The following ADGRV1 variants were observed in gnomAD, a reference collection of about 807,000 sequenced individuals.
ADGRV1 encodes the protein adhesion G protein-coupled receptor V1.
ADGRV1 carries 359 observed loss-of-function variants against 596.2 expected under a neutral mutation model. The observed-to-expected ratio is 0.60, with a 90% CI of 0.55 to 0.66. ADGRV1 has a LOEUF of 0.66. Ranked by LOEUF, ADGRV1 falls within the 30% of genes least tolerant of loss-of-function variation. ADGRV1 has a pLI of 0.00. For missense variants in ADGRV1, 7,274 were observed against 7,575.6 expected (o/e 0.96, Z 1.48); for synonymous variants, 2,681 against 2,679.2 (o/e 1.00, Z -0.02).
rs746103349 is a variant in ADGRV1, at chr5:90,728,919, A to G, written c.10412A>G (p.Glu3471Gly). ...AATGATATTTACCTAATATTTGCCG[A>G]AAATGTCTTTCTAGGTGAGAAGATA... ...SANDIYLIFA[E>G]NVFLGDQNSI... The change falls in exon 49 of 90, where the codon GAA becomes GGA. Residue 3471 changes from glutamate (E) to glycine (G), a missense_variant. Transcript: ENST00000405460. 19 of 1,608,262 alleles carry G rather than the reference A, an allele frequency of 1.2e-5. No homozygotes were observed. Among genetic ancestry groups the G allele is most frequent in the Middle Eastern group, 2.0e-4 (1 of 4,962 alleles).
intron 85 of ADGRV1, among the ~76,000 whole-genome samples, chr5:91,035,864 T>TAATATATATATATATATAATATATATA (rs1248093197): frequency 1.5e-5 from 1 of 68,236 alleles, no homozygotes; most frequent in East Asian, 3.7e-4. Context: ...ATATATATTA[T>TAATATATATATATATATAATATATATA]ATATATATAT....
intron 77 of ADGRV1, among the ~76,000 whole-genome samples, chr5:90,835,716 A>G (rs1235717230): frequency 1.3e-5 from 2 of 152,214 alleles, no homozygotes; most frequent in African/African-American, 2.4e-5. Flanking sequence ...TTCAAGTGCC[A>G]AAAGAAAAGA....
At chr5:90,932,534 G>A (rs1211906923) in intron 83 of ADGRV1, among the ~76,000 whole-genome samples, 1 of 152,088 alleles carries the variant, frequency 6.6e-6, no homozygotes, top group East Asian at 1.9e-4. Flanking sequence ...GTGGAGAGAT[G>A]CTTAACTTAC....
intron 85 of ADGRV1, among the ~76,000 whole-genome samples, chr5:91,032,019 G>A (rs536057542): frequency 5.3e-5 from 8 of 152,176 alleles, no homozygotes; most frequent in Non-Finnish European, 1.2e-4. Flanking sequence ...CCACATGTTG[G>A]GAGCAGCATG....
chr5:90,749,342 C>T (rs1754993587), intron 52 of ADGRV1, among the ~76,000 whole-genome samples: 1 of 152,040 alleles, frequency 6.6e-6, no homozygotes, highest in African/African-American at 2.4e-5. Context: ...TTTTATTAAC[C>T]CTCATTGATG....
chr5:90,914,958 TG>T (rs547416602), intron 83 of ADGRV1, among the ~76,000 whole-genome samples: 33 of 152,196 alleles, frequency 2.2e-4, no homozygotes, highest in Non-Finnish European at 1.8e-4. Flanking sequence ...CCCTAAAAAC[TG>T]GATGAGTTGT....
chr5:90,811,323 A>G lies in ADGRV1; in HGVS notation c.16063A>G (p.Met5355Val). ...TGATACTGGATTTGCAGCTTTTGCC[A>G]TGGTTATTATTACAGGTATATCTTT... ...KDDTGFAAFA[M>V]VIITGSDLHN... Residue 5355 changes from methionine (M) to valine (V), a missense_variant, in exon 74 of 90, where the codon ATG becomes GTG. Physicochemically the swap from Met to Val is conservative, Grantham distance 21. Around this residue, in one of 5 missense-constraint regions of ADGRV1, gnomAD observed 1,874 missense variants for 1,970.2 expected, o/e 0.95. Transcript: ENST00000405460. 2 of 1,603,766 alleles carry G rather than the reference A, an allele frequency of 1.2e-6. No individual in the cohort carries two copies. Among genetic ancestry groups the G allele is most frequent in the Non-Finnish European group, 1.7e-6 (2 of 1,175,020 alleles).
intron 50 of ADGRV1, among the ~76,000 whole-genome samples, chr5:90,732,751 A>G (rs1480468127): frequency 6.6e-6 from 1 of 152,050 alleles, no homozygotes; most frequent in Admixed American, 6.6e-5. Context: ...AATTCAGTCT[A>G]CTCCAGTATT....
chr5:90,596,769 G>T (rs1340063470), intron 1 of ADGRV1, among the ~76,000 whole-genome samples: 1 of 152,196 alleles, frequency 6.6e-6, no homozygotes, highest in Non-Finnish European at 1.5e-5. Flanking sequence ...CGGCATCAGA[G>T]GGTGACCGTG....
intron 1 of ADGRV1, among the ~76,000 whole-genome samples, chr5:90,593,656 G>A (rs182717533): frequency 1.2e-4 from 18 of 151,966 alleles, no homozygotes; most frequent in South Asian, 2.1e-4. Flanking sequence ...TGGGTGAGGG[G>A]TGTATCAAAA....
intron 83 of ADGRV1, among the ~76,000 whole-genome samples, chr5:90,906,704 G>A (rs973271406): frequency 6.6e-6 from 1 of 151,830 alleles, no homozygotes; most frequent in Non-Finnish European, 1.5e-5. Context: ...CTGATGTTTT[G>A]TATTATTTTC....
At chr5:90,853,234 T>C (rs756761890) in intron 79 of ADGRV1, 50 bp from the exon 80 acceptor site, 4 of 1,528,306 alleles carry the variant, frequency 2.6e-6, no homozygotes, top group African/African-American at 2.8e-5. Flanking sequence ...AGTGGATATA[T>C]GTATTCAAAT....
At chr5:90,964,144 G>A (rs1211919007) in intron 83 of ADGRV1, among the ~76,000 whole-genome samples, 1 of 152,004 alleles carries the variant, frequency 6.6e-6, no homozygotes, top group African/African-American at 2.4e-5. Flanking sequence ...AGAGGATTGG[G>A]GAAGGGTATA....
At chr5:90,952,866 G>A (rs572626664) in intron 83 of ADGRV1, among the ~76,000 whole-genome samples, 14 of 151,992 alleles carry the variant, frequency 9.2e-5, no homozygotes, top group Admixed American at 9.2e-4. Context: ...ATCAGGACAT[G>A]TTTTTTTAAG....
chr5:91,100,781 C>A (rs925124756), intron 86 of ADGRV1, among the ~76,000 whole-genome samples: 1 of 152,168 alleles, frequency 6.6e-6, no homozygotes, highest in Non-Finnish European at 1.5e-5. Flanking sequence ...AAATTGAGTT[C>A]TTGCGTCACC....
intron 45 of ADGRV1, among the ~76,000 whole-genome samples, chr5:90,723,526 C>G (rs113044132): frequency 0.012 from 1,840 of 152,238 alleles, 15 homozygotes; most frequent in Middle Eastern, 0.044. Context: ...GCAGTCATTG[C>G]TTATTCTTCA....
chr5:90,630,171 T>G (rs188229227), intron 9 of ADGRV1: 1 of 152,098 alleles, frequency 6.6e-6, no homozygotes, highest in African/African-American at 2.4e-5. Flanking sequence ...CTAATTTTTG[T>G]GTTTTTAGTA....
At chr5:91,100,289 G>A (rs767111340) in intron 86 of ADGRV1, among the ~76,000 whole-genome samples, 5 of 152,124 alleles carry the variant, frequency 3.3e-5, no homozygotes, top group Admixed American at 6.5e-5. Context: ...GGGCGTGGTG[G>A]CATGCGCCTA....
intron 1 of ADGRV1, among the ~76,000 whole-genome samples, chr5:90,569,317 A>G (rs1277860682): frequency 1.5e-5 from 2 of 136,470 alleles, no homozygotes; most frequent in African/African-American, 2.8e-5. Flanking sequence ...AGTAATGAAT[A>G]TAGTCACTTC....
Sources: gnomAD v4.1 joint callset for allele counts (sites outside exome capture counted in the v4.1 genomes callset) on GRCh38, gnomAD v4.1.1 for gene constraint, gnomAD v4.1.1 regional missense constraint, MANE v1.5 for transcripts, NCBI Gene and HGNC (gene_info 2026-07-23, HGNC 2026-07-21) for gene names.